The following UBE3C variants were observed in gnomAD, a reference collection of about 807,000 sequenced individuals.
UBE3C encodes ubiquitin-protein ligase E3C.
UBE3C carries 42 observed loss-of-function variants against 129.4 expected under a neutral mutation model. That is an observed-to-expected ratio of 0.32 (90% CI 0.25 to 0.42). The LOEUF (loss-of-function observed/expected upper bound fraction) is 0.42, where lower values mean the gene tolerates loss of function less well. Among genes scored for constraint, UBE3C ranks in the 10% least tolerant of loss-of-function variants. UBE3C has a pLI of 1.00. For synonymous variants in UBE3C, 510 were observed against 492.4 expected (o/e 1.04, Z -0.47); for missense variants, 1,049 against 1,319.1 (o/e 0.80, Z 3.17).
intron 4 of UBE3C, among the ~76,000 whole-genome samples, chr7:157,172,257 C>T (rs1437381976): frequency 6.6e-6 from 1 of 152,006 alleles, no homozygotes; most frequent in African/African-American, 2.4e-5. Flanking sequence ...CTGGTCTGTA[C>T]TCCTGACATC....
chr7:157,150,378 C>CA (rs34169017), intron 1 of UBE3C, among the ~76,000 whole-genome samples: 2,498 of 136,616 alleles, frequency 0.018, 36 homozygotes, highest in Non-Finnish European at 0.026. Context: ...GACTCTGTCT[C>CA]AAAAAAAAAA....
intron 1 of UBE3C, among the ~76,000 whole-genome samples, chr7:157,142,597 A>G (rs1032933176): frequency 6.6e-6 from 1 of 152,146 alleles, no homozygotes; most frequent in Non-Finnish European, 1.5e-5. Flanking sequence ...GTACATGTAG[A>G]TTGGATTACA....
rs145062247 is a variant in UBE3C, at chr7:157,164,322, A to G, written c.120+459A>G. On this transcript the variant is annotated intron_variant, in intron 2 of 22. Coordinates refer to ENST00000348165, the MANE Select transcript of UBE3C (RefSeq NM_014671.3). ...CAGGTGCATGCCACCATGCCCAGCT[A>G]ATTTTTAAGATTTTTACATAGATAG... 1.2e-4 allele frequency: 54 copies of G among 455,922 alleles called. No individual in the cohort carries two copies. The East Asian group carries it at 1.7e-3, about 14-fold the overall frequency. The allele number at this position is 455,922 out of a possible 1,614,324, so 28.2% of individuals were successfully genotyped here. A position where few individuals can be genotyped will look rare whatever the true frequency, so the allele number is the denominator to read the frequency against.
chr7:157,194,953 A>ATC (rs1339882952), intron 10 of UBE3C, among the ~76,000 whole-genome samples: 21 of 152,348 alleles, frequency 1.4e-4, no homozygotes, highest in Admixed American at 1.2e-3. Flanking sequence ...TGTTGAATAT[A>ATC]AAGAAACTAG....
chr7:157,209,694 T>A (rs140654074), intron 13 of UBE3C, among the ~76,000 whole-genome samples: 1,791 of 152,320 alleles, frequency 0.012, 36 homozygotes, highest in African/African-American at 0.04. Flanking sequence ...TGGCATCTGT[T>A]GAGAGTTTCA....
At chr7:157,166,538 C>G (rs1254733863) in intron 2 of UBE3C, among the ~76,000 whole-genome samples, 1 of 152,116 alleles carries the variant, frequency 6.6e-6, no homozygotes, top group Non-Finnish European at 1.5e-5. Flanking sequence ...GTTGGGAGTT[C>G]GAGACCAGCC....
chr7:157,216,940 T>A lies in UBE3C; in HGVS notation c.1883T>A (p.Leu628Gln). ...AATTTTTGTCCTCCAAACCACTGGC[T>A]GTCAGAACAAGAAGATATTAAAGCA... Reference protein sequence around the residue: ...RRNFCPPNHWLSEQEDIKADK... With the variant: ...RRNFCPPNHWQSEQEDIKADK... Residue 628 changes from leucine to glutamine, a missense_variant, in exon 14 of 23, where the codon CTG becomes CAG. Leu to Gln is a moderately radical substitution (Grantham distance 113, BLOSUM62 -2). Around this residue, in one of 4 missense-constraint regions of UBE3C, gnomAD observed 314 missense variants for 416.9 expected, o/e 0.75. Coordinates refer to ENST00000348165, the MANE Select transcript of UBE3C (RefSeq NM_014671.3). 1.2e-6 allele frequency: 2 copies of A among 1,614,100 alleles called. No individual in the cohort carries two copies. The highest frequency in any genetic ancestry group is 2.2e-5 in the South Asian group (2 of 91,088).
At chr7:157,224,819 C>G (rs1455003780) in intron 16 of UBE3C, among the ~76,000 whole-genome samples, 1 of 151,038 alleles carries the variant, frequency 6.6e-6, no homozygotes, top group East Asian at 1.9e-4. Context: ...CTCTCCCACT[C>G]ACTCACTCAC....
At chr7:157,150,251 C>T (rs899100116) in intron 1 of UBE3C, among the ~76,000 whole-genome samples, 5 of 152,048 alleles carry the variant, frequency 3.3e-5, no homozygotes, top group African/African-American at 1.2e-4. Context: ...TGGTGGCACC[C>T]GCCTGTAATC....
rs770866233 is a variant in UBE3C, at chr7:157,254,259, G to A, written c.2899G>A (p.Ala967Thr). Reference protein sequence around the residue: ...QQEIQVLISGAQVPISLEDLK... With the variant: ...QQEIQVLISGTQVPISLEDLK... Reference sequence around the variant, plus strand: ...TTTTCCTTAGGTATTAATTTCTGGTGCACAAGTTCCCATAAGCCTAGAGGA... The same window carrying A: ...TTTTCCTTAGGTATTAATTTCTGGTACACAAGTTCCCATAAGCCTAGAGGA... Residue 967 changes from alanine to threonine, a missense_variant, in exon 21 of 23, where the codon GCA becomes ACA. Ala to Thr is a moderately conservative substitution (Grantham distance 58). Transcript: ENST00000348165. 6.2e-6 allele frequency: 10 copies of A among 1,613,480 alleles called. No homozygotes were observed. Among genetic ancestry groups the A allele is most frequent in the South Asian group, 3.3e-5 (3 of 90,888 alleles).
At chr7:157,248,680 A>C (rs1796541933) in intron 19 of UBE3C, 100 bp downstream of exon 19, 2 of 1,292,870 alleles carry the variant, frequency 1.5e-6, no homozygotes, top group Admixed American at 3.8e-5. Flanking sequence ...ACTTCCGCAC[A>C]TTTTAGTTAG....
At chr7:157,218,720 T>TG (rs930625823) in intron 14 of UBE3C, among the ~76,000 whole-genome samples, 1 of 151,944 alleles carries the variant, frequency 6.6e-6, no homozygotes, top group Non-Finnish European at 1.5e-5. Flanking sequence ...CCCTGCAAGA[T>TG]GGGTGTGGAG....
chr7:157,220,036 C>A (rs985826602), intron 14 of UBE3C, among the ~76,000 whole-genome samples: 2 of 152,078 alleles, frequency 1.3e-5, no homozygotes, highest in African/African-American at 4.8e-5. Flanking sequence ...GATAGCAAAA[C>A]CCCATCTCTA....
intron 1 of UBE3C, among the ~76,000 whole-genome samples, chr7:157,144,613 A>T (rs953388032): frequency 2.0e-5 from 3 of 152,130 alleles, no homozygotes; most frequent in African/African-American, 7.2e-5. Context: ...AGGAACTGAA[A>T]TTTTTTAAGT....
intron 1 of UBE3C, among the ~76,000 whole-genome samples, chr7:157,153,706 A>T (rs965075247): frequency 1.3e-5 from 2 of 152,114 alleles, no homozygotes; most frequent in Non-Finnish European, 2.9e-5. Context: ...TGGCCTTTTT[A>T]AAAAGTTAAC....
rs1445431195 is a variant in UBE3C at position 157,225,414 on chromosome 7, A to G, written c.2108A>G (p.Gln703Arg). ...VPFEERVKIF[Q>R]RLIYADKQEV... Reference sequence around the variant, plus strand: ...GCTTTCCTTGTTTGTTAGATCTTTCAGAGGTTGATTTATGCAGATAAGCAA... The same window carrying G: ...GCTTTCCTTGTTTGTTAGATCTTTCGGAGGTTGATTTATGCAGATAAGCAA... Residue 703 changes from glutamine (Q) to arginine (R), a missense_variant, in exon 17 of 23, where the codon CAG becomes CGG. Coordinates refer to ENST00000348165, the MANE Select transcript of UBE3C (RefSeq NM_014671.3). 3 of 1,602,110 alleles carry G rather than the reference A, an allele frequency of 1.9e-6. No individual in the cohort carries two copies. In the East Asian group the frequency reaches 6.7e-5, roughly 36 times the overall value.
intron 1 of UBE3C, among the ~76,000 whole-genome samples, chr7:157,148,491 C>T (rs1319963543): frequency 6.6e-6 from 1 of 151,926 alleles, no homozygotes; most frequent in African/African-American, 2.4e-5. Context: ...GTAAAACTGC[C>T]CTCTATTATA....
chr7:157,195,710 T>C (rs1356329936), intron 10 of UBE3C, among the ~76,000 whole-genome samples: 1 of 152,178 alleles, frequency 6.6e-6, no homozygotes, highest in Non-Finnish European at 1.5e-5. Context: ...TTTAGATGGC[T>C]TTAGTGTGAG....
chr7:157,195,364 A>G (rs181200729), intron 10 of UBE3C, among the ~76,000 whole-genome samples: 1 of 152,344 alleles, frequency 6.6e-6, no homozygotes, highest in East Asian at 1.9e-4. Context: ...AAACAAACTG[A>G]TAAGCTGATA....
Sources: gnomAD v4.1 joint callset for allele counts (sites outside exome capture counted in the v4.1 genomes callset) on GRCh38, gnomAD v4.1.1 for gene constraint, gnomAD v4.1.1 regional missense constraint, MANE v1.5 for transcripts, NCBI Gene and HGNC (gene_info 2026-07-23, HGNC 2026-07-21) for gene names.